The following LINGO2 variants were observed in gnomAD, a reference collection of about 807,000 sequenced individuals.
LINGO2 encodes leucine-rich repeat and immunoglobulin-like domain-containing nogo receptor-interacting protein 2.
A neutral mutation model predicts 30.6 loss-of-function variants in LINGO2; 14 were observed. That is an observed-to-expected ratio of 0.46 (90% CI 0.30 to 0.72). The LOEUF (loss-of-function observed/expected upper bound fraction) is 0.72, where lower values mean the gene tolerates loss of function less well. Among genes scored for constraint, LINGO2 ranks in the 30% least tolerant of loss-of-function variants. LINGO2 has a pLI of 0.07. For synonymous variants in LINGO2, 317 were observed against 288.5 expected, an observed-to-expected ratio of 1.10 and a Z score of -1.00; for missense variants, 729 against 751.7, an observed-to-expected ratio of 0.97 and a Z score of 0.35.
intron 3 of LINGO2, among the ~76,000 whole-genome samples, chr9:28,367,201 A>G (rs1275114864): frequency 1.3e-5 from 2 of 152,236 alleles, no homozygotes; most frequent in Non-Finnish European, 2.9e-5. Context: ...TCCTGGAGTT[A>G]GTAATTGCCC....
chr9:28,005,352 A>C (rs565237504), intron 5 of LINGO2, among the ~76,000 whole-genome samples: 49 of 152,308 alleles, frequency 3.2e-4, no homozygotes, highest in Admixed American at 2.6e-3. Flanking sequence ...TGAGGATATC[A>C]TATGTGATTC....
the LINGO2 span, among the ~76,000 whole-genome samples, chr9:29,088,259 C>T: frequency 3.3e-5 from 5 of 152,128 alleles, no homozygotes; most frequent in South Asian, 6.2e-4. Flanking sequence ...CTATGATCCA[C>T]GCCATCTAGG....
chr9:28,650,965 C>G (rs897214984), intron 1 of LINGO2, among the ~76,000 whole-genome samples: 8 of 151,912 alleles, frequency 5.3e-5, no homozygotes, highest in Admixed American at 2.6e-4. Flanking sequence ...CTGAGGTGGG[C>G]GGATCATCAG....
chr9:29,061,559 G>T, the LINGO2 span, among the ~76,000 whole-genome samples: 142 of 151,956 alleles, frequency 9.3e-4, no homozygotes, highest in African/African-American at 3.2e-3. Context: ...TTTTTGACAA[G>T]GTAGCCAAGA....
chr9:28,021,328 T>C (rs568094963), intron 4 of LINGO2, among the ~76,000 whole-genome samples: 4 of 152,212 alleles, frequency 2.6e-5, no homozygotes, highest in African/African-American at 9.6e-5. Context: ...CTTTCTGTTA[T>C]TGATTTCTAC....
At chr9:28,895,572 T>C in the LINGO2 span, among the ~76,000 whole-genome samples, 1 of 152,166 alleles carries the variant, frequency 6.6e-6, no homozygotes, top group Non-Finnish European at 1.5e-5. Flanking sequence ...TTGTCTTCCT[T>C]TACCTCCTTG....
intron 4 of LINGO2, among the ~76,000 whole-genome samples, chr9:28,075,977 C>T (rs1019566088): frequency 2.0e-5 from 3 of 151,684 alleles, no homozygotes; most frequent in African/African-American, 7.3e-5. Context: ...TGCCTTTTTC[C>T]CATATAGATT....
chr9:28,857,705 A>G, the LINGO2 span, among the ~76,000 whole-genome samples: 5 of 152,214 alleles, frequency 3.3e-5, no homozygotes, highest in East Asian at 9.7e-4. Context: ...GGTTAGTCCA[A>G]ACCGAGATAT....
intron 1 of LINGO2, among the ~76,000 whole-genome samples, chr9:28,576,238 G>A (rs746554908): frequency 2.0e-5 from 3 of 152,186 alleles, no homozygotes; most frequent in Admixed American, 1.3e-4. Context: ...GCTGCAGCTT[G>A]CTAATGCCGC....
chr9:28,277,100 T>G (rs1823141714), intron 4 of LINGO2, among the ~76,000 whole-genome samples: 1 of 152,218 alleles, frequency 6.6e-6, no homozygotes, highest in Admixed American at 6.5e-5. Context: ...TTTTATACAT[T>G]GAAGGTTAGT....
intron 4 of LINGO2, among the ~76,000 whole-genome samples, chr9:28,290,718 G>A (rs4878277): frequency 0.073 from 11,119 of 152,178 alleles, 741 homozygotes; most frequent in East Asian, 0.39. Context: ...TCATTGTCTG[G>A]ATGTGGGTAT....
At chr9:29,068,034 T>C in the LINGO2 span, among the ~76,000 whole-genome samples, 1 of 151,844 alleles carries the variant, frequency 6.6e-6, no homozygotes, top group Non-Finnish European at 1.5e-5. Flanking sequence ...CTTTGCATTC[T>C]GCATCAAAAT....
chr9:28,222,149 GATTA>G (rs1191643447), intron 4 of LINGO2, among the ~76,000 whole-genome samples: 3 of 152,090 alleles, frequency 2.0e-5, no homozygotes, highest in Admixed American at 6.5e-5. Flanking sequence ...TTTCTCATTT[GATTA>G]ATTATTCAAC....
At chr9:28,467,104 C>T (rs569768330) in intron 2 of LINGO2, among the ~76,000 whole-genome samples, 2 of 151,836 alleles carry the variant, frequency 1.3e-5, no homozygotes, top group East Asian at 3.9e-4. Context: ...TGACTCACTG[C>T]AAGCTCCGCC....
chr9:28,653,453 T>G (rs966365885), intron 1 of LINGO2, among the ~76,000 whole-genome samples: 3 of 152,160 alleles, frequency 2.0e-5, no homozygotes, highest in African/African-American at 7.2e-5. Flanking sequence ...ATGAAGTATA[T>G]TCCACCAGTG....
intron 4 of LINGO2, among the ~76,000 whole-genome samples, chr9:28,052,839 A>G (rs1432432795): frequency 2.6e-5 from 4 of 152,146 alleles, no homozygotes; most frequent in Non-Finnish European, 5.9e-5. Flanking sequence ...GGAAGTAATC[A>G]TTTGGATATT....
At chr9:28,125,431 T>C (rs896444105) in intron 4 of LINGO2, among the ~76,000 whole-genome samples, 1 of 152,242 alleles carries the variant, frequency 6.6e-6, no homozygotes, top group Non-Finnish European at 1.5e-5. Flanking sequence ...TAAAAACTTC[T>C]TTTAGCACAT....
At chr9:28,806,930 T>TAGG in the LINGO2 span, among the ~76,000 whole-genome samples, 1 of 151,926 alleles carries the variant, frequency 6.6e-6, no homozygotes, top group Non-Finnish European at 1.5e-5. Flanking sequence ...TTTCTATATT[T>TAGG]AGGTATAAAA....
the LINGO2 span, among the ~76,000 whole-genome samples, chr9:29,133,915 T>C: frequency 7.2e-5 from 11 of 152,256 alleles, no homozygotes; most frequent in African/African-American, 2.4e-4. Context: ...TAAATGTGTA[T>C]GGTATGAAAA....
Sources: gnomAD v4.1 joint callset for allele counts (sites outside exome capture counted in the v4.1 genomes callset) on GRCh38, gnomAD v4.1.1 for gene constraint, MANE v1.5 for transcripts, NCBI Gene and HGNC (gene_info 2026-07-23, HGNC 2026-07-21) for gene names.